Variants in TBC1D22A observed in about 807,000 individuals in gnomAD.
The protein encoded by TBC1D22A is TBC1 domain family member 22A.
In TBC1D22A, 38 loss-of-function variants were observed where a neutral mutation model predicts 60.2. That is an observed-to-expected ratio of 0.63 (90% CI 0.49 to 0.83). TBC1D22A has a LOEUF of 0.83. Among genes scored for constraint, TBC1D22A ranks in the 40% least tolerant of loss-of-function variants. The pLI is 0.00. For missense variants in TBC1D22A, 628 were observed against 701.0 expected (o/e 0.90, Z 1.18); for synonymous variants, 302 against 281.7 (o/e 1.07, Z -0.72).
chr22:46,912,172 C>T lies in TBC1D22A; in HGVS notation c.999C>T (p.Phe333=), dbSNP rs1215966180. The change falls in exon 8 of 13, where the codon TTC becomes TTT. Residue 333 remains phenylalanine, a synonymous_variant. Coordinates refer to ENST00000337137, the MANE Select transcript of TBC1D22A (RefSeq NM_014346.5). ...TCGTCACTCCTTTCTTTGTGGTCTT[C>T]ATTTGTGAATACATAGGTAAGATTT... ...NDLVTPFFVV[F]ICEYIEAEEV... 8.7e-6 allele frequency: 14 copies of T among 1,613,062 alleles called. No homozygotes were observed. The highest frequency in any genetic ancestry group is 1.2e-5 in the Non-Finnish European group (14 of 1,179,462).
intron 3 of TBC1D22A, among the ~76,000 whole-genome samples, chr22:46,796,623 T>G (rs982919626): frequency 6.6e-6 from 1 of 151,998 alleles, no homozygotes; most frequent in Non-Finnish European, 1.5e-5. Context: ...GGTCTTCCCT[T>G]GGGCTGACCC....
intron 9 of TBC1D22A, among the ~76,000 whole-genome samples, chr22:46,976,236 G>C (rs924842548): frequency 2.6e-5 from 4 of 152,182 alleles, no homozygotes; most frequent in African/African-American, 9.7e-5. Flanking sequence ...CCTGAGATTT[G>C]TGGTCTGATG....
intron 1 of TBC1D22A, among the ~76,000 whole-genome samples, chr22:46,783,339 G>T (rs1476359480): frequency 6.6e-6 from 1 of 152,202 alleles, no homozygotes; most frequent in East Asian, 1.9e-4. Context: ...CCAGCAGTGT[G>T]CCCGTGTCCA....
intron 9 of TBC1D22A, among the ~76,000 whole-genome samples, chr22:46,982,240 T>G (rs1356967426): frequency 1.3e-5 from 2 of 151,744 alleles, no homozygotes; most frequent in Non-Finnish European, 2.9e-5. Context: ...TTTTTTTTTT[T>G]TTGAGATGGA....
chr22:46,986,015 C>A (rs192821486), intron 9 of TBC1D22A, among the ~76,000 whole-genome samples: 1 of 152,234 alleles, frequency 6.6e-6, no homozygotes, highest in Admixed American at 6.5e-5. Flanking sequence ...CCAACATATA[C>A]CCATGTTATG....
At chr22:46,828,316 T>G (rs1261196785) in intron 4 of TBC1D22A, among the ~76,000 whole-genome samples, 1 of 152,206 alleles carries the variant, frequency 6.6e-6, no homozygotes, top group Non-Finnish European at 1.5e-5. Flanking sequence ...GACAAAGGAA[T>G]TAAAGATTGA....
chr22:47,003,774 A>C (rs2061482169), intron 10 of TBC1D22A, among the ~76,000 whole-genome samples: 1 of 131,984 alleles, frequency 7.6e-6, no homozygotes, highest in Non-Finnish European at 1.6e-5. Flanking sequence ...ACATGCCTAT[A>C]CACACACACC....
intron 1 of TBC1D22A, among the ~76,000 whole-genome samples, chr22:46,778,134 C>G (rs2083780620): frequency 6.6e-6 from 1 of 152,034 alleles, no homozygotes; most frequent in Non-Finnish European, 1.5e-5. Flanking sequence ...GCTCACGGGA[C>G]TGGACGGTGC....
At chr22:46,912,219 C>T (rs779710071) in intron 8 of TBC1D22A, 31 bp downstream of exon 8, 3 of 1,485,390 alleles carry the variant, frequency 2.0e-6, no homozygotes, top group Non-Finnish European at 2.8e-6. Flanking sequence ...TAAACGTGAA[C>T]TTTAGTGGAC....
rs3884786 is a variant in TBC1D22A, at chr22:47,061,238, G to A, written c.1329+24040G>A. Among the ~76,000 whole-genome samples, 233 of 152,250 alleles carry A rather than the reference G, an allele frequency of 1.5e-3. 2 individuals are homozygous for A. The highest frequency in any genetic ancestry group is 8.4e-4 in the Non-Finnish European group (57 of 68,028). ...CACGGTCCTGGAAACGTTAAGCCAC[G>A]CTGTCTTCCTCGGTGCCCTCACCAC... On this transcript the variant is annotated intron_variant, in intron 11 of 12. Coordinates refer to ENST00000337137, the MANE Select transcript of TBC1D22A (RefSeq NM_014346.5).
intron 12 of TBC1D22A, among the ~76,000 whole-genome samples, chr22:47,112,581 C>T (rs1253508051): frequency 6.6e-6 from 1 of 152,222 alleles, no homozygotes; most frequent in African/African-American, 2.4e-5. Context: ...CCCGCTTCAT[C>T]TCGGCCCCAG....
intron 4 of TBC1D22A, among the ~76,000 whole-genome samples, chr22:46,829,309 G>A (rs1337360638): frequency 6.6e-6 from 1 of 152,162 alleles, no homozygotes; most frequent in Non-Finnish European, 1.5e-5. Context: ...CACATATTAC[G>A]TAGGTACCTG....
intron 9 of TBC1D22A, among the ~76,000 whole-genome samples, chr22:46,979,309 A>T (rs2074421992): frequency 6.6e-6 from 1 of 152,242 alleles, no homozygotes; most frequent in East Asian, 1.9e-4. Flanking sequence ...CTCAGATATT[A>T]TCATTGGCAA....
intron 9 of TBC1D22A, 41 bp downstream of exon 9, chr22:46,974,440 C>A: frequency 6.5e-7 from 1 of 1,538,068 alleles, no homozygotes. Flanking sequence ...ACGCCCACAG[C>A]CCCTGCGGTG....
intron 1 of TBC1D22A, among the ~76,000 whole-genome samples, chr22:46,769,120 A>G (rs778897445): frequency 2.7e-5 from 4 of 150,638 alleles, no homozygotes; most frequent in Non-Finnish European, 5.9e-5. Flanking sequence ...AAAAAAAGAA[A>G]GTGTTATGGT....
intron 1 of TBC1D22A, among the ~76,000 whole-genome samples, chr22:46,766,899 G>T (rs577909157): frequency 2.4e-4 from 36 of 152,278 alleles, no homozygotes; most frequent in Non-Finnish European, 4.7e-4. Context: ...ACTCAGTGTT[G>T]TTGGTGCCTC....
At chr22:46,915,537 C>T (rs1311782097) in intron 8 of TBC1D22A, 1 of 456,612 alleles carries the variant, frequency 2.2e-6, no homozygotes, top group Admixed American at 2.3e-5. Flanking sequence ...TGGCTACCTC[C>T]TGAGAGCTGC....
At position 47,045,424 on chromosome 22, in the gene TBC1D22A, C is replaced by T. The variant is rs116431559; in HGVS notation, c.1329+8226C>T. ...GAAGCGGTCATGCAGAGGTGTCAGG[C>T]GGCACTGTTGTAATCGATAGTGGGT... On this transcript the variant is annotated intron_variant, in intron 11 of 12. Coordinates refer to ENST00000337137, the MANE Select transcript of TBC1D22A (RefSeq NM_014346.5). Among the ~76,000 whole-genome samples the T allele has an allele frequency of 3.3e-3, 495 of 152,250 alleles. 3 individuals are homozygous for T. The highest frequency in any genetic ancestry group is 0.011 in the African/African-American group (459 of 41,552).
intron 12 of TBC1D22A, among the ~76,000 whole-genome samples, chr22:47,134,410 G>A (rs1372873485): frequency 2.0e-5 from 3 of 152,240 alleles, no homozygotes; most frequent in Admixed American, 2.0e-4. Flanking sequence ...TGGAAGGAAG[G>A]CGGGTTCTGC....
Sources: allele counts gnomAD v4.1 joint callset (sites outside exome capture counted in the v4.1 genomes callset), GRCh38; gene constraint gnomAD v4.1.1; transcripts MANE v1.5; gene names NCBI Gene and HGNC (gene_info 2026-07-23, HGNC 2026-07-21).